DACH2: variants seen among roughly 807,000 people sequenced by gnomAD.
The protein encoded by DACH2 is dachshund homolog 2.
Under a neutral mutation model 35.8 loss-of-function variants are expected in DACH2, and 17 were observed. The ratio of observed to expected loss-of-function variants is 0.48; its 90% CI spans 0.33 to 0.71. DACH2 has a LOEUF of 0.71. Among genes scored for constraint, DACH2 ranks in the 30% least tolerant of loss-of-function variants. The pLI, the probability that DACH2 is intolerant of heterozygous loss-of-function variation, is 0.02. For synonymous variants in DACH2, 195 were observed against 177.3 expected (o/e 1.10, Z -0.79); for missense variants, 469 against 472.7 (o/e 0.99, Z 0.07).
chrX:86,692,004 A>G (rs1396622877), intron 4 of DACH2, among the ~76,000 whole-genome samples: 1 of 111,846 alleles, frequency 8.9e-6, no homozygotes, highest in Non-Finnish European at 1.9e-5. Context: ...TGAACATTCC[A>G]GATTGAGTCA....
At chrX:86,750,418 T>C (rs751539325) in intron 7 of DACH2, among the ~76,000 whole-genome samples, 1 of 112,180 alleles carries the variant, frequency 8.9e-6, no homozygotes, top group East Asian at 2.8e-4. Flanking sequence ...CTATTTCTAT[T>C]ATTATTCTTT....
At position 86,714,578 on chromosome X, in the gene DACH2, A is replaced by G. The variant is rs1190716088; in HGVS notation, c.962A>G (p.His321Arg). Reference sequence around the variant, plus strand: ...GATCTGCCATTTATGATGATGCCTCATCCCCTACTTCCAGTCAGCTTACCT... The same window carrying G: ...GATCTGCCATTTATGATGATGCCTCGTCCCCTACTTCCAGTCAGCTTACCT... ...RLDLPFMMMP[H>R]PLLPVSLPPA... The change falls in exon 6 of 12, where the codon CAT becomes CGT. Residue 321 changes from histidine (H) to arginine (R), a missense_variant. This residue lies in a region of DACH2 where 363 missense variants were observed against 334.4 expected (regional missense o/e 1.09). Transcript: ENST00000373125. 16 of 1,205,468 alleles carry G rather than the reference A, an allele frequency of 1.3e-5. No individual in the cohort carries two copies. The highest frequency in any genetic ancestry group is 1.7e-5 in the Non-Finnish European group (15 of 892,032).
At chrX:86,343,606 G>T (rs1285367748) in intron 1 of DACH2, among the ~76,000 whole-genome samples, 1 of 111,504 alleles carries the variant, frequency 9.0e-6, no homozygotes, top group Non-Finnish European at 1.9e-5. Flanking sequence ...TAAAGGTCAA[G>T]AATAACAGCT....
At chrX:86,587,031 C>A (rs1202952126) in intron 3 of DACH2, among the ~76,000 whole-genome samples, 6 of 112,011 alleles carry the variant, frequency 5.4e-5, no homozygotes, top group African/African-American at 1.9e-4. Context: ...AATATTGATT[C>A]TTCCTATTCA....
chrX:86,765,776 T>G (rs2147289274), intron 7 of DACH2, among the ~76,000 whole-genome samples: 1 of 102,080 alleles, frequency 9.8e-6, no homozygotes, highest in African/African-American at 3.7e-5. Context: ...ATGAATGCAT[T>G]TCTCTTATTC....
At chrX:86,406,433 G>A (rs1160798639) in intron 2 of DACH2, among the ~76,000 whole-genome samples, 1 of 111,870 alleles carries the variant, frequency 8.9e-6, no homozygotes, top group African/African-American at 3.3e-5. Flanking sequence ...TGAGTACTAT[G>A]TCCACTACCT....
chrX:86,740,950 A>C (rs2041648720), intron 7 of DACH2, among the ~76,000 whole-genome samples: 1 of 111,402 alleles, frequency 9.0e-6, no homozygotes. Context: ...GCTGTAACAA[A>C]TTCTCATTTA....
At chrX:86,458,608 C>T (rs1174182871) in intron 2 of DACH2, among the ~76,000 whole-genome samples, 1 of 111,664 alleles carries the variant, frequency 9.0e-6, no homozygotes, top group Non-Finnish European at 1.9e-5. Context: ...TCATTAAACA[C>T]TCAATTTGTG....
chrX:86,628,042 T>C (rs1468053337), intron 3 of DACH2, among the ~76,000 whole-genome samples: 2 of 112,278 alleles, frequency 1.8e-5, no homozygotes, highest in East Asian at 2.8e-4. Flanking sequence ...CCTACCAGCA[T>C]TGGGCTAATA....
intron 2 of DACH2, among the ~76,000 whole-genome samples, chrX:86,461,581 T>C (rs1268800293): frequency 3.6e-5 from 4 of 111,441 alleles, no homozygotes; most frequent in African/African-American, 1.3e-4. Flanking sequence ...AAAGCTAAAC[T>C]ACACCTTCTT....
chrX:86,339,987 T>A (rs181921974), intron 1 of DACH2, among the ~76,000 whole-genome samples: 77 of 112,261 alleles, frequency 6.9e-4, no homozygotes, highest in African/African-American at 2.4e-3. Flanking sequence ...CTTTGTACAT[T>A]ATCTTTATTG....
chrX:86,160,462 C>T (rs1214650938), intron 1 of DACH2: 11 of 533,923 alleles, frequency 2.1e-5, no homozygotes, highest in Non-Finnish European at 3.7e-5. Flanking sequence ...CATCTTCCAG[C>T]TTCTTACCAG....
chrX:86,221,754 A>C (rs1294727262), intron 1 of DACH2, among the ~76,000 whole-genome samples: 5 of 112,225 alleles, frequency 4.5e-5, no homozygotes, highest in Non-Finnish European at 7.5e-5. Context: ...TTAGTTTGCT[A>C]GGGCTGCCTT....
chrX:86,504,271 G>A (rs1327930562), intron 2 of DACH2, among the ~76,000 whole-genome samples: 3 of 110,603 alleles, frequency 2.7e-5, no homozygotes, highest in Non-Finnish European at 5.7e-5. Context: ...AATTCAAGCA[G>A]CATTTTTGAG....
chrX:86,431,429 T>C (rs1191248961), intron 2 of DACH2, among the ~76,000 whole-genome samples: 2 of 112,011 alleles, frequency 1.8e-5, no homozygotes, highest in Non-Finnish European at 3.8e-5. Flanking sequence ...ACAAAATTTG[T>C]CATAATATGT....
At chrX:86,540,359 A>T (rs1419127845) in intron 3 of DACH2, among the ~76,000 whole-genome samples, 2 of 112,174 alleles carry the variant, frequency 1.8e-5, no homozygotes, top group African/African-American at 6.5e-5. Flanking sequence ...CAGAAACAAG[A>T]TGTTAAATGT....
intron 4 of DACH2, among the ~76,000 whole-genome samples, chrX:86,655,543 C>A (rs2148410128): frequency 8.9e-6 from 1 of 111,994 alleles, no homozygotes; most frequent in Admixed American, 9.5e-5. Flanking sequence ...GTGACTATTT[C>A]TAAACCACTC....
At chrX:86,815,892 A>G in intron 10 of DACH2, 142 bp from the exon 11 acceptor site, 1 of 332,173 alleles carries the variant, frequency 3.0e-6, no homozygotes, top group Non-Finnish European at 5.3e-6. Flanking sequence ...ATTAAAAACA[A>G]ACAGACATAC....
At chrX:86,318,987 T>C (rs1461588075) in intron 1 of DACH2, among the ~76,000 whole-genome samples, 2 of 112,221 alleles carry the variant, frequency 1.8e-5, no homozygotes, top group Non-Finnish European at 3.8e-5. Context: ...CTTGCATTAA[T>C]TTGCTATTAA....
Sources: allele counts gnomAD v4.1 joint callset (sites outside exome capture counted in the v4.1 genomes callset), GRCh38; gene constraint gnomAD v4.1.1; regional missense constraint gnomAD v4.1.1; transcripts MANE v1.5; gene names NCBI Gene and HGNC (gene_info 2026-07-23, HGNC 2026-07-21).